The following ARL8B variants were observed in gnomAD, a reference collection of about 807,000 sequenced individuals.
ARL8B encodes the protein ADP-ribosylation factor-like protein 8B.
ARL8B carries 9 observed loss-of-function variants against 30.6 expected under a neutral mutation model. The ratio of observed to expected loss-of-function variants is 0.29; its 90% CI spans 0.18 to 0.51. The LOEUF is 0.51. ARL8B is among the 20% of genes least tolerant of loss of function. The pLI is 0.97. For missense variants in ARL8B, 130 were observed against 227.2 expected, an observed-to-expected ratio of 0.57 and a Z score of 2.75; for synonymous variants, 74 against 76.0, an observed-to-expected ratio of 0.97 and a Z score of 0.14.
intron 1 of ARL8B, among the ~76,000 whole-genome samples, chr3:5,151,031 T>C (rs576166506): frequency 1.3e-5 from 2 of 152,298 alleles, no homozygotes; most frequent in Admixed American, 6.5e-5. Flanking sequence ...TTAATGTCGG[T>C]GGAGTCTGTA....
intron 1 of ARL8B, among the ~76,000 whole-genome samples, chr3:5,126,105 G>T (rs1045777114): frequency 2.0e-5 from 3 of 147,392 alleles, no homozygotes; most frequent in African/African-American, 7.9e-5. Context: ...GACCCCCTCA[G>T]TGAATTTCAT....
chr3:5,141,699 A>G (rs12496510), intron 1 of ARL8B, among the ~76,000 whole-genome samples: 33,318 of 152,108 alleles, frequency 0.22, 4,210 homozygotes, highest in African/African-American at 0.33. Flanking sequence ...CTGGGGCAGT[A>G]TTGTTGGGAA....
rs144148755 is a variant in ARL8B, at chr3:5,147,991, T to G, written c.124-22512T>G. On this transcript the variant is annotated intron_variant, in intron 1 of 6. Coordinates refer to ENST00000256496, the MANE Select transcript of ARL8B (RefSeq NM_018184.3). Reference sequence around the variant, plus strand: ...TGCATTTGGGCTTGGTCCCTGGGATTATTATTATCCCATTTGGGGTCAACG... The same window carrying G: ...TGCATTTGGGCTTGGTCCCTGGGATGATTATTATCCCATTTGGGGTCAACG... Among the ~76,000 whole-genome samples the G allele has an allele frequency of 5.1e-3, 780 of 151,684 alleles. 10 individuals are homozygous for G. Among genetic ancestry groups the G allele is most frequent in the African/African-American group, 0.018 (725 of 41,276 alleles).
At chr3:5,173,787 A>C (rs1466305160) in intron 4 of ARL8B, among the ~76,000 whole-genome samples, 5 of 152,246 alleles carry the variant, frequency 3.3e-5, no homozygotes, top group African/African-American at 1.2e-4. Flanking sequence ...ACTATTTTAC[A>C]TAGCAGTTGG....
intron 1 of ARL8B, among the ~76,000 whole-genome samples, chr3:5,129,692 G>T (rs371411740): frequency 6.6e-6 from 1 of 151,846 alleles, no homozygotes; most frequent in Non-Finnish European, 1.5e-5. Flanking sequence ...GACCACAGGC[G>T]TATGTCACTA....
chr3:5,154,308 T>TA (rs1292726908), intron 1 of ARL8B, among the ~76,000 whole-genome samples: 2 of 151,710 alleles, frequency 1.3e-5, no homozygotes, highest in Admixed American at 1.3e-4. Context: ...GTTCATTTTT[T>TA]AAAAAAAAAT....
chr3:5,141,704 T>C (rs1375750187), intron 1 of ARL8B, among the ~76,000 whole-genome samples: 1 of 152,188 alleles, frequency 6.6e-6, no homozygotes, highest in African/African-American at 2.4e-5. Flanking sequence ...GCAGTATTGT[T>C]GGGAATGAAA....
At position 5,139,504 on chromosome 3, in the gene ARL8B, T is replaced by C. The variant is rs115982828; in HGVS notation, c.123+16916T>C. On this transcript the variant is annotated intron_variant, in intron 1 of 6. Transcript: ENST00000256496. ...ATATGCTATAATCCTTGGTCACATT[T>C]ATAAGTTTTTTTATTCTAATACAAT... Among the ~76,000 whole-genome samples the C allele has an allele frequency of 9.0e-3, 1,369 of 152,316 alleles. 17 individuals carry two copies. The highest frequency in any genetic ancestry group is 0.031 in the African/African-American group (1,285 of 41,554).
chr3:5,141,987 C>T (rs2054377634), intron 1 of ARL8B, among the ~76,000 whole-genome samples: 1 of 152,142 alleles, frequency 6.6e-6, no homozygotes, highest in African/African-American at 2.4e-5. Context: ...CGGCACTCCC[C>T]TAGGGACTCC....
intron 1 of ARL8B, among the ~76,000 whole-genome samples, chr3:5,149,450 G>T (rs1301132008): frequency 6.6e-6 from 1 of 152,200 alleles, no homozygotes; most frequent in Non-Finnish European, 1.5e-5. Flanking sequence ...AATGGACTTG[G>T]AGACACCATC....
intron 1 of ARL8B, among the ~76,000 whole-genome samples, chr3:5,153,623 A>G (rs1484483823): frequency 6.6e-6 from 1 of 152,058 alleles, no homozygotes; most frequent in African/African-American, 2.4e-5. Flanking sequence ...AATTTTACCT[A>G]TTCTTTGAAA....
At chr3:5,131,848 A>G (rs2054286185) in intron 1 of ARL8B, among the ~76,000 whole-genome samples, 2 of 152,038 alleles carry the variant, frequency 1.3e-5, no homozygotes, top group African/African-American at 4.8e-5. Flanking sequence ...TCAGAAATGA[A>G]ATGATTTGAC....
chr3:5,170,433 T>C (rs2054662417), intron 1 of ARL8B, 70 bp from the exon 2 acceptor site: 1 of 995,160 alleles, frequency 1.0e-6, no homozygotes, highest in East Asian at 2.7e-5. Context: ...AAATGCAATG[T>C]TGATATTAGA....
rs200903833 is a variant in ARL8B at position 5,179,080 on chromosome 3, C to CT, written c.*368dup. On this transcript the variant is annotated 3_prime_UTR_variant, in exon 7 of 7. Transcript: ENST00000256496. ...TTTTATATTGGTTTTCAGTAAATGT[C>CT]TATCTATAATATTTCATTATAGAGT... 2,749 of 171,666 alleles carry CT rather than the reference C, an allele frequency of 0.016. 27 individuals are homozygous for CT. The highest frequency in any genetic ancestry group is 0.023 in the Non-Finnish European group (1,833 of 80,342). 10.6% of individuals were successfully genotyped at this position (171,666 alleles called of 1,614,324 possible). A position where few individuals can be genotyped will look rare whatever the true frequency, so the allele number is the denominator to read the frequency against.
chr3:5,172,892 T>C (rs1450254465), intron 4 of ARL8B, 152 bp downstream of exon 4: 13 of 579,148 alleles, frequency 2.2e-5, no homozygotes, highest in Non-Finnish European at 4.0e-5. Flanking sequence ...TGCCATATAC[T>C]GGGCATTGTG....
At chr3:5,126,949 C>T (rs576702413) in intron 1 of ARL8B, among the ~76,000 whole-genome samples, 18 of 152,066 alleles carry the variant, frequency 1.2e-4, no homozygotes, top group Non-Finnish European at 2.4e-4. Context: ...TAGGATAAAT[C>T]TTATGGACAT....
At chr3:5,153,972 G>C (rs931218906) in intron 1 of ARL8B, among the ~76,000 whole-genome samples, 2 of 150,978 alleles carry the variant, frequency 1.3e-5, no homozygotes, top group Non-Finnish European at 2.9e-5. Flanking sequence ...TGCTTTGATT[G>C]TTTCTGATGG....
At chr3:5,171,548 G>T (rs2054676014) in intron 2 of ARL8B, among the ~76,000 whole-genome samples, 1 of 151,944 alleles carries the variant, frequency 6.6e-6, no homozygotes, top group Non-Finnish European at 1.5e-5. Context: ...AGGTTTCACT[G>T]TGTTGGCCAG....
At chr3:5,134,381 G>T (rs576911408) in intron 1 of ARL8B, among the ~76,000 whole-genome samples, 1 of 152,210 alleles carries the variant, frequency 6.6e-6, no homozygotes, top group East Asian at 1.9e-4. Context: ...GATGAAGGCT[G>T]TATATTCAGA....
Sources: gnomAD v4.1 joint callset for allele counts (sites outside exome capture counted in the v4.1 genomes callset) on GRCh38, gnomAD v4.1.1 for gene constraint, MANE v1.5 for transcripts, NCBI Gene and HGNC (gene_info 2026-07-23, HGNC 2026-07-21) for gene names.